The following TSPAN12 variants were observed in gnomAD, a reference collection of about 807,000 sequenced individuals.
TSPAN12 encodes the protein tetraspanin 12.
TSPAN12 carries 19 observed loss-of-function variants against 39.2 expected under a neutral mutation model. That is an observed-to-expected ratio of 0.49 (90% CI 0.34 to 0.71). The LOEUF (loss-of-function observed/expected upper bound fraction) is 0.71. Among genes scored for constraint, TSPAN12 ranks in the 30% least tolerant of loss-of-function variants. The pLI is 0.01. For missense variants in TSPAN12, 314 were observed against 359.9 expected (o/e 0.87, Z 1.03); for synonymous variants, 119 against 124.8 (o/e 0.95, Z 0.31).
chr7:120,841,016 C>T (rs934629567), intron 2 of TSPAN12, among the ~76,000 whole-genome samples: 1 of 152,150 alleles, frequency 6.6e-6, no homozygotes, highest in African/African-American at 2.4e-5. Context: ...GGGAGTAGGG[C>T]TTGGGCATCA....
chr7:120,800,301 C>T (rs1793742233), intron 7 of TSPAN12, among the ~76,000 whole-genome samples: 1 of 152,132 alleles, frequency 6.6e-6, no homozygotes, highest in Non-Finnish European at 1.5e-5. Flanking sequence ...TGACCAAACT[C>T]TGTTCAGGCT....
chr7:120,789,080 G>A lies in TSPAN12; in HGVS notation c.613-183C>T, dbSNP rs150345208. On this transcript the variant is annotated intron_variant, in intron 7 of 7. Transcript: ENST00000222747. ...GGAGAGAGGGAGGTGTGTAGCTTTTGAAAAGCCTGTCCAGCTGATTCCAAT... is the reference window on the plus strand; with the variant it reads ...GGAGAGAGGGAGGTGTGTAGCTTTTAAAAAGCCTGTCCAGCTGATTCCAAT... 1.7e-4 allele frequency among the ~76,000 whole-genome samples: 26 copies of A among 152,304 alleles called. No homozygotes were observed. In the East Asian group the frequency reaches 4.6e-3, roughly 27 times the overall value.
At chr7:120,834,254 ATTAT>A (rs1794438186) in intron 4 of TSPAN12, among the ~76,000 whole-genome samples, 1 of 152,238 alleles carries the variant, frequency 6.6e-6, no homozygotes, top group African/African-American at 2.4e-5. Context: ...ATACTAAAAC[ATTAT>A]TTATTGTTTA....
At chr7:120,807,206 C>A (rs929742707) in intron 6 of TSPAN12, among the ~76,000 whole-genome samples, 4 of 152,054 alleles carry the variant, frequency 2.6e-5, no homozygotes, top group African/African-American at 9.7e-5. Flanking sequence ...TATCCAAAAA[C>A]TTTAAGAAAT....
At chr7:120,838,347 TA>T (rs1794517019) in intron 4 of TSPAN12, among the ~76,000 whole-genome samples, 2 of 152,194 alleles carry the variant, frequency 1.3e-5, no homozygotes. Flanking sequence ...CTAAACTATA[TA>T]AAGGCAGTGA....
At chr7:120,835,639 G>A (rs1794462278) in intron 4 of TSPAN12, among the ~76,000 whole-genome samples, 1 of 152,090 alleles carries the variant, frequency 6.6e-6, no homozygotes, top group South Asian at 2.1e-4. Context: ...ATACTCAGCA[G>A]AGAGGATAAA....
chr7:120,798,511 A>G (rs1168231822), intron 7 of TSPAN12, among the ~76,000 whole-genome samples: 1 of 152,240 alleles, frequency 6.6e-6, no homozygotes, highest in African/African-American at 2.4e-5. Context: ...AGGAGGGTTT[A>G]CGGATGTTTA....
chr7:120,788,971 C>A, intron 7 of TSPAN12, 74 bp from the exon 8 acceptor site: 1 of 1,442,124 alleles, frequency 6.9e-7, no homozygotes. Flanking sequence ...TGAAAGCAAA[C>A]AATCTGTATC....
chr7:120,817,610 A>C (rs999846112), intron 4 of TSPAN12, among the ~76,000 whole-genome samples: 4 of 152,180 alleles, frequency 2.6e-5, no homozygotes, highest in Non-Finnish European at 4.4e-5. Flanking sequence ...AAGAATGTGC[A>C]TAATGAATTT....
intron 4 of TSPAN12, among the ~76,000 whole-genome samples, chr7:120,817,540 A>G (rs1794107690): frequency 6.6e-6 from 1 of 152,208 alleles, no homozygotes; most frequent in South Asian, 2.1e-4. Flanking sequence ...GAAACAGATA[A>G]GGCTACCTCA....
At chr7:120,805,958 T>A (rs1793863463) in intron 7 of TSPAN12, among the ~76,000 whole-genome samples, 1 of 152,036 alleles carries the variant, frequency 6.6e-6, no homozygotes, top group African/African-American at 2.4e-5. Context: ...GAGTAATTGA[T>A]TATTCTGATC....
At chr7:120,853,884 A>AG (rs1349413105) in intron 2 of TSPAN12, among the ~76,000 whole-genome samples, 13 of 147,778 alleles carry the variant, frequency 8.8e-5, no homozygotes, top group Admixed American at 2.7e-4. Flanking sequence ...AAAAAAAAAA[A>AG]AAAAGAAAAG....
intron 5 of TSPAN12, 55 bp from the exon 6 acceptor site, chr7:120,810,625 C>CACAT (rs1793962329): frequency 1.3e-5 from 4 of 296,474 alleles, no homozygotes; most frequent in Non-Finnish European, 1.7e-5. Flanking sequence ...GACACAGATT[C>CACAT]ACACACACAC....
At chr7:120,851,184 C>A (rs1176842883) in intron 2 of TSPAN12, among the ~76,000 whole-genome samples, 1 of 152,192 alleles carries the variant, frequency 6.6e-6, no homozygotes, top group East Asian at 1.9e-4. Context: ...CAAACTTCTA[C>A]TTGCCAAGGA....
At chr7:120,833,090 A>G (rs1421739962) in intron 4 of TSPAN12, among the ~76,000 whole-genome samples, 3 of 152,102 alleles carry the variant, frequency 2.0e-5, no homozygotes, top group Non-Finnish European at 2.9e-5. Flanking sequence ...TCATTTGTAA[A>G]ATTAGTCTAA....
At chr7:120,819,225 G>C (rs968256071) in intron 4 of TSPAN12, among the ~76,000 whole-genome samples, 1 of 152,100 alleles carries the variant, frequency 6.6e-6, no homozygotes, top group African/African-American at 2.4e-5. Flanking sequence ...TGATTATAAA[G>C]AAAACAGGAA....
intron 4 of TSPAN12, among the ~76,000 whole-genome samples, chr7:120,826,606 T>C (rs778812937): frequency 3.3e-5 from 5 of 152,180 alleles, no homozygotes; most frequent in Non-Finnish European, 7.3e-5. Context: ...ACAGCCAAAA[T>C]AATACCACAC....
At chr7:120,813,232 G>C (rs1368454150) in intron 5 of TSPAN12, among the ~76,000 whole-genome samples, 1 of 152,168 alleles carries the variant, frequency 6.6e-6, no homozygotes, top group Non-Finnish European at 1.5e-5. Flanking sequence ...TAGTGCAAAA[G>C]CAATAAAAAA....
chr7:120,815,612 A>G (rs1430181518), intron 5 of TSPAN12, 117 bp downstream of exon 5: 2 of 945,886 alleles, frequency 2.1e-6, no homozygotes, highest in African/African-American at 1.6e-5. Flanking sequence ...TTAATTTACA[A>G]ATTACCCAGT....
Sources: allele counts gnomAD v4.1 joint callset (sites outside exome capture counted in the v4.1 genomes callset), GRCh38; gene constraint gnomAD v4.1.1; transcripts MANE v1.5; gene names NCBI Gene and HGNC (gene_info 2026-07-23, HGNC 2026-07-21).